GOPC: variants seen among roughly 807,000 people sequenced by gnomAD.
GOPC encodes golgi associated PDZ and coiled-coil motif containing, also known as Golgi-associated PDZ and coiled-coil motif-containing protein.
A neutral mutation model predicts 51.2 loss-of-function variants in GOPC; 32 were observed. The ratio of observed to expected loss-of-function variants is 0.63; its 90% CI spans 0.47 to 0.84. The LOEUF (loss-of-function observed/expected upper bound fraction) is 0.84, where lower values mean the gene tolerates loss of function less well. Ranked by LOEUF, GOPC falls within the 40% of genes least tolerant of loss-of-function variation. The pLI, the probability that GOPC is intolerant of heterozygous loss-of-function variation, is 0.00. For missense variants in GOPC, 441 were observed against 555.5 expected, an observed-to-expected ratio of 0.79 and a Z score of 2.07; for synonymous variants, 190 against 205.1, an observed-to-expected ratio of 0.93 and a Z score of 0.63.
chr6:117,567,155 A>G, intron 7 of GOPC, 121 bp from the exon 8 acceptor site: 1 of 606,574 alleles, frequency 1.6e-6, no homozygotes, highest in African/African-American at 1.9e-5. Flanking sequence ...TGATTTCCAG[A>G]AAATAAATAA....
intron 1 of GOPC, among the ~76,000 whole-genome samples, chr6:117,580,717 C>T (rs542543138): frequency 2.0e-5 from 3 of 152,186 alleles, no homozygotes; most frequent in South Asian, 2.1e-4. Flanking sequence ...ATAGTTACTA[C>T]ATAATTTTGA....
chr6:117,588,462 G>T lies in GOPC; in HGVS notation c.286-9398C>A, dbSNP rs182866573. On this transcript the variant is annotated intron_variant, in intron 1 of 8. Transcript: ENST00000368498. ...AGCTAATTTTTGTATTTTTAGTAGAGATGGGGTTTCACCATGTTGGCCAGA... is the reference window on the plus strand; with the variant it reads ...AGCTAATTTTTGTATTTTTAGTAGATATGGGGTTTCACCATGTTGGCCAGA... 3.3e-3 allele frequency among the ~76,000 whole-genome samples: 503 copies of T among 152,120 alleles called. 4 individuals carry two copies. The highest frequency in any genetic ancestry group is 0.012 in the African/African-American group (482 of 41,500).
At chr6:117,583,449 C>T (rs950598083) in intron 1 of GOPC, among the ~76,000 whole-genome samples, 1 of 152,180 alleles carries the variant, frequency 6.6e-6, no homozygotes, top group African/African-American at 2.4e-5. Flanking sequence ...ATAGTTTCCT[C>T]CCCAACACTA....
intron 7 of GOPC, among the ~76,000 whole-genome samples, chr6:117,568,439 G>A (rs11755139): frequency 6.6e-6 from 1 of 152,124 alleles, no homozygotes; most frequent in South Asian, 2.1e-4. Context: ...ATTTTAATAT[G>A]TGCTTAGTTA....
chr6:117,582,273 TACAC>T (rs71012364), intron 1 of GOPC, among the ~76,000 whole-genome samples: 3,897 of 119,162 alleles, frequency 0.033, 72 homozygotes, highest in East Asian at 0.062. Flanking sequence ...CCTCCCCCCC[TACAC>T]ACACACACAC....
Position 117,583,463 on chromosome 6 carries a change from G to A in GOPC, c.286-4399C>T, listed in dbSNP as rs1779988770. 1.3e-5 allele frequency among the ~76,000 whole-genome samples: 2 copies of A among 152,100 alleles called. 1 individual carries two copies. The highest frequency in any genetic ancestry group is 4.1e-4 in the South Asian group (2 of 4,822). On this transcript the variant is annotated intron_variant, in intron 1 of 8. Coordinates refer to ENST00000368498, the MANE Select transcript of GOPC (RefSeq NM_020399.4). ...AATAGTTTCCTCCCCAACACTAAAT[G>A]CTTTTTTGGCATGAGTTCTACCTTA...
At chr6:117,592,231 G>A (rs1780129317) in intron 1 of GOPC, among the ~76,000 whole-genome samples, 1 of 152,158 alleles carries the variant, frequency 6.6e-6, no homozygotes, top group Non-Finnish European at 1.5e-5. Flanking sequence ...GCCGGGCATG[G>A]TGGCTGGCGC....
At chr6:117,572,133 C>G (rs547124757) in intron 5 of GOPC, among the ~76,000 whole-genome samples, 1 of 152,224 alleles carries the variant, frequency 6.6e-6, no homozygotes, top group East Asian at 1.9e-4. Flanking sequence ...ATCTTGGATA[C>G]CCCATTGTCA....
At chr6:117,575,089 A>G in intron 4 of GOPC, 88 bp downstream of exon 4, 1 of 1,107,334 alleles carries the variant, frequency 9.0e-7, no homozygotes, top group Non-Finnish European at 1.3e-6. Flanking sequence ...AAAAAAATAA[A>G]AAATAAAAAA....
intron 8 of GOPC, 85 bp downstream of exon 8, chr6:117,566,769 T>C (rs762280339): frequency 1.2e-5 from 10 of 818,494 alleles, no homozygotes; most frequent in African/African-American, 1.7e-5. Context: ...CAAAACAGTT[T>C]TACTGAAGAA....
chr6:117,598,866 G>A (rs1161164430), intron 1 of GOPC, among the ~76,000 whole-genome samples: 1 of 152,126 alleles, frequency 6.6e-6, no homozygotes, highest in East Asian at 1.9e-4. Context: ...GTTAATAGTA[G>A]CTTAATGTAT....
At chr6:117,593,288 CCTA>C (rs1562147845) in intron 1 of GOPC, among the ~76,000 whole-genome samples, 1 of 151,990 alleles carries the variant, frequency 6.6e-6, no homozygotes, top group Non-Finnish European at 1.5e-5. Flanking sequence ...TCCACAACCT[CCTA>C]CTGTCTGCTC....
Position 117,566,966 on chromosome 6 carries a change from C to T in GOPC, c.1146G>A (p.Glu382=). 1 of 1,610,642 alleles carries T rather than the reference C, an allele frequency of 6.2e-7. No homozygotes were observed. The highest frequency in any genetic ancestry group is 8.5e-7 in the Non-Finnish European group (1 of 1,178,474). ...AACGATGTCCACTCTCATCTTCATACTCTACGTTTTCATCATCAGAATCCA... is the reference window on the plus strand; with the variant it reads ...AACGATGTCCACTCTCATCTTCATATTCTACGTTTTCATCATCAGAATCCA... ...PEVDSDDENV[E]YEDESGHRYR... is the part of the protein sequence containing the mutation. Residue 382 remains glutamate, a synonymous_variant, in exon 8 of 9, where the codon GAG becomes GAA. Coordinates refer to ENST00000368498, the MANE Select transcript of GOPC (RefSeq NM_020399.4).
intron 1 of GOPC, among the ~76,000 whole-genome samples, chr6:117,592,165 G>A (rs1228287990): frequency 6.6e-6 from 1 of 152,142 alleles, no homozygotes; most frequent in Non-Finnish European, 1.5e-5. Context: ...TCAGGAGTTC[G>A]AGACGAACCT....
intron 1 of GOPC, among the ~76,000 whole-genome samples, chr6:117,587,206 C>G (rs753586926): frequency 9.9e-5 from 15 of 152,082 alleles, no homozygotes; most frequent in Non-Finnish European, 2.2e-4. Context: ...ACCATAATGA[C>G]CACTAAGTTC....
intron 6 of GOPC, among the ~76,000 whole-genome samples, chr6:117,570,241 A>C (rs567324034): frequency 2.6e-5 from 4 of 151,932 alleles, no homozygotes; most frequent in African/African-American, 9.7e-5. Flanking sequence ...ACATAAAAAA[A>C]AAAAAGGTAA....
intron 1 of GOPC, among the ~76,000 whole-genome samples, chr6:117,591,867 C>T (rs1479970487): frequency 1.3e-5 from 2 of 152,100 alleles, no homozygotes; most frequent in Non-Finnish European, 2.9e-5. Context: ...GTATGAATCA[C>T]TCTAGAATGA....
Position 117,602,013 on chromosome 6 carries a change from G to A in GOPC, c.276C>T (p.His92=). The part of the protein sequence containing the change: ...HKAQSVSQIN[H]KLEAQLVDLK... ...AGCACCCACGGCTCACCTCCAGCTTGTGGTTGATTTGAGACACAGACTGGG... is the reference window on the plus strand; with the variant it reads ...AGCACCCACGGCTCACCTCCAGCTTATGGTTGATTTGAGACACAGACTGGG... Residue 92 remains histidine, a synonymous_variant, in exon 1 of 9, where the codon CAC becomes CAT. Coordinates refer to ENST00000368498, the MANE Select transcript of GOPC (RefSeq NM_020399.4). The A allele has an allele frequency of 6.2e-7, 1 of 1,614,120 alleles. No homozygotes were observed. The highest frequency in any genetic ancestry group is 8.5e-7 in the Non-Finnish European group (1 of 1,179,970).
intron 4 of GOPC, 45 bp from the exon 5 acceptor site, chr6:117,573,677 T>C: frequency 2.0e-6 from 3 of 1,485,584 alleles, no homozygotes; most frequent in Non-Finnish European, 2.7e-6. Context: ...TTATATTCAC[T>C]ACAGTGAGAA....
Sources: allele counts gnomAD v4.1 joint callset (sites outside exome capture counted in the v4.1 genomes callset), GRCh38; gene constraint gnomAD v4.1.1; transcripts MANE v1.5; gene names NCBI Gene and HGNC (gene_info 2026-07-23, HGNC 2026-07-21).